GRIP1: variants seen among roughly 807,000 people sequenced by gnomAD.
GRIP1 encodes the protein glutamate receptor-interacting protein 1.
In GRIP1, 45 loss-of-function variants were observed where a neutral mutation model predicts 129.9. That is an observed-to-expected ratio of 0.35 (90% CI 0.27 to 0.44). GRIP1 has a LOEUF of 0.44. Ranked by LOEUF, GRIP1 falls within the 20% of genes least tolerant of loss-of-function variation. The pLI is 1.00. For missense variants in GRIP1, 1,196 were observed against 1,396.8 expected, an observed-to-expected ratio of 0.86 and a Z score of 2.29; for synonymous variants, 530 against 520.8, an observed-to-expected ratio of 1.02 and a Z score of -0.24.
chr12:66,520,457 G>C (rs141170332), intron 5 of GRIP1, among the ~76,000 whole-genome samples: 1 of 152,040 alleles, frequency 6.6e-6, no homozygotes, highest in Admixed American at 6.6e-5. Context: ...ATAAAAATGC[G>C]GTCCTCATAA....
Position 66,515,793 on chromosome 12 carries a change from A to G in GRIP1, c.579-29T>C, listed in dbSNP as rs773805582. ...AAGGGAGAATAAAGGAATAGTCTTG[A>G]TTAATTTAGCATAATGGGGCTTAGT... On this transcript the variant is annotated intron_variant, in intron 6 of 24. Transcript: ENST00000359742. 3.1e-6 allele frequency: 5 copies of G among 1,605,356 alleles called. No homozygotes were observed. The African/African-American group carries it at 6.7e-5, about 21-fold the overall frequency.
At chr12:67,011,912 C>T (rs1007404299) in intron 1 of GRIP1, among the ~76,000 whole-genome samples, 1 of 152,198 alleles carries the variant, frequency 6.6e-6, no homozygotes, top group Non-Finnish European at 1.5e-5. Context: ...ACAGGCCTTG[C>T]TGTGTTCTAA....
intron 1 of GRIP1, among the ~76,000 whole-genome samples, chr12:66,863,917 C>T (rs974018277): frequency 2.0e-5 from 3 of 152,098 alleles, no homozygotes; most frequent in Non-Finnish European, 4.4e-5. Context: ...GTACTGAGAG[C>T]CCAGTAAGGC....
chr12:66,897,551 A>C (rs1311634947), intron 1 of GRIP1, among the ~76,000 whole-genome samples: 1 of 152,236 alleles, frequency 6.6e-6, no homozygotes, highest in Non-Finnish European at 1.5e-5. Flanking sequence ...TATGCTTCAA[A>C]GACCAACCTA....
chr12:66,850,804 A>G (rs1029616065), intron 1 of GRIP1, among the ~76,000 whole-genome samples: 2 of 151,854 alleles, frequency 1.3e-5, no homozygotes, highest in African/African-American at 2.4e-5. Flanking sequence ...CACGGCTAAT[A>G]TATCTATCAA....
intron 1 of GRIP1, among the ~76,000 whole-genome samples, chr12:66,906,037 C>G (rs2040926396): frequency 6.6e-6 from 1 of 151,994 alleles, no homozygotes; most frequent in African/African-American, 2.4e-5. Context: ...AAAGGATGCT[C>G]AATTGAAAAT....
intron 15 of GRIP1, among the ~76,000 whole-genome samples, chr12:66,416,893 A>C (rs2057623546): frequency 6.6e-6 from 1 of 152,008 alleles, no homozygotes; most frequent in Admixed American, 6.6e-5. Flanking sequence ...GAATGATTCC[A>C]AACTCATTCT....
At chr12:66,956,256 G>T (rs1269387536) in intron 1 of GRIP1, among the ~76,000 whole-genome samples, 1 of 152,122 alleles carries the variant, frequency 6.6e-6, no homozygotes, top group African/African-American at 2.4e-5. Flanking sequence ...AACTTTTGAA[G>T]CAAATTGATC....
intron 23 of GRIP1, among the ~76,000 whole-genome samples, chr12:66,367,959 T>C (rs2055247437): frequency 6.6e-6 from 1 of 152,232 alleles, no homozygotes; most frequent in African/African-American, 2.4e-5. Flanking sequence ...AACTGGCTTT[T>C]CAGCTTCAGG....
intron 1 of GRIP1, among the ~76,000 whole-genome samples, chr12:67,052,661 G>A (rs529423955): frequency 6.6e-6 from 1 of 152,072 alleles, no homozygotes; most frequent in African/African-American, 2.4e-5. Context: ...TCAGGATGCT[G>A]AGGCAGGAGA....
intron 1 of GRIP1, among the ~76,000 whole-genome samples, chr12:66,893,677 A>G (rs898829579): frequency 3.3e-5 from 5 of 152,232 alleles, no homozygotes; most frequent in Non-Finnish European, 5.9e-5. Flanking sequence ...ACATGAATAC[A>G]TAAGATTTTG....
intron 1 of GRIP1, among the ~76,000 whole-genome samples, chr12:66,664,858 G>C (rs1400875590): frequency 6.6e-6 from 1 of 152,030 alleles, no homozygotes; most frequent in Non-Finnish European, 1.5e-5. Context: ...TGGTACAGGA[G>C]AGTAAAAGAT....
intron 15 of GRIP1, among the ~76,000 whole-genome samples, chr12:66,419,641 T>C (rs979990186): frequency 1.3e-4 from 20 of 152,168 alleles, no homozygotes; most frequent in Non-Finnish European, 2.1e-4. Context: ...CTGGGATGGC[T>C]CCCATAGCCC....
At chr12:66,351,162 AATTG>A (rs2054203728) in intron 24 of GRIP1, among the ~76,000 whole-genome samples, 1 of 152,232 alleles carries the variant, frequency 6.6e-6, no homozygotes, top group South Asian at 2.1e-4. Flanking sequence ...AAAACTATCA[AATTG>A]ATCAGTGACA....
At chr12:66,610,225 C>T (rs971543867) in intron 1 of GRIP1, among the ~76,000 whole-genome samples, 6 of 151,894 alleles carry the variant, frequency 4.0e-5, no homozygotes, top group East Asian at 1.9e-4. Context: ...TATACACACA[C>T]GCATATATAT....
At chr12:66,476,064 A>G (rs1485449842) in intron 7 of GRIP1, among the ~76,000 whole-genome samples, 2 of 152,196 alleles carry the variant, frequency 1.3e-5, no homozygotes, top group East Asian at 1.9e-4. Context: ...CCTTCAAAAA[A>G]TCAATGAATC....
chr12:66,801,472 C>T (rs2038857025), intron 1 of GRIP1, among the ~76,000 whole-genome samples: 1 of 151,892 alleles, frequency 6.6e-6, no homozygotes. Flanking sequence ...AGCATTTCAC[C>T]CTATGGACAT....
intron 1 of GRIP1, among the ~76,000 whole-genome samples, chr12:67,042,025 C>T (rs994662819): frequency 5.9e-5 from 9 of 152,126 alleles, no homozygotes; most frequent in African/African-American, 2.2e-4. Context: ...GGGCCTCACC[C>T]TCATGAGTGA....
intron 1 of GRIP1, among the ~76,000 whole-genome samples, chr12:66,793,925 A>T (rs1367919284): frequency 2.0e-5 from 3 of 152,222 alleles, no homozygotes; most frequent in Non-Finnish European, 4.4e-5. Flanking sequence ...GGATTAAATG[A>T]GCTAATGCAC....
Sources: gnomAD v4.1 joint callset for allele counts (sites outside exome capture counted in the v4.1 genomes callset) on GRCh38, gnomAD v4.1.1 for gene constraint, MANE v1.5 for transcripts, NCBI Gene and HGNC (gene_info 2026-07-23, HGNC 2026-07-21) for gene names.